COL23A1: variants seen among roughly 807,000 people sequenced by gnomAD.
The protein encoded by COL23A1 is collagen type XXIII alpha 1 chain.
COL23A1 carries 97 observed loss-of-function variants against 99.3 expected under a neutral mutation model. The ratio of observed to expected loss-of-function variants is 0.98; its 90% CI spans 0.83 to 1.16. The LOEUF is 1.16. Among genes scored for constraint, COL23A1 ranks in the 50% most tolerant of loss-of-function variants. COL23A1 has a pLI of 0.00. For synonymous variants in COL23A1, 320 were observed against 308.2 expected (o/e 1.04, Z -0.40); for missense variants, 762 against 757.4 (o/e 1.01, Z -0.07).
intron 3 of COL23A1, 34 bp from the exon 4 acceptor site, chr5:178,290,403 G>A (rs373094665): frequency 1.2e-6 from 2 of 1,613,934 alleles, no homozygotes; most frequent in African/African-American, 2.7e-5. Context: ...CACAGTCAGT[G>A]TGGAAGGCAG....
Position 178,306,566 on chromosome 5 carries a change from T to C in COL23A1, c.406+309A>G, listed in dbSNP as rs1240726607. 7.2e-6 allele frequency among the ~76,000 whole-genome samples: 1 copy of C among 138,154 alleles called. No individual in the cohort carries two copies. The highest frequency in any genetic ancestry group is 1.5e-5 in the Non-Finnish European group (1 of 65,288). The allele number at this position is 138,154 out of a possible 152,430, so 90.6% of individuals were successfully genotyped here. On this transcript the variant is annotated intron_variant, in intron 3 of 28. Coordinates refer to ENST00000390654, the MANE Select transcript of COL23A1 (RefSeq NM_173465.4). The surrounding 1 kb of genome is among the most constrained non-coding windows in gnomAD (Gnocchi z 4.1). ...GGGGAGGGTGTGGCTGGCGGAGTCA[T>C]CACCTTCTGCCTCAGAGAGAGGGGG... is the stretch of plus-strand genomic sequence containing the variant.
intron 2 of COL23A1, among the ~76,000 whole-genome samples, chr5:178,337,231 T>A (rs56199977): frequency 0.1 from 15,323 of 152,242 alleles, 943 homozygotes; most frequent in Middle Eastern, 0.16. Flanking sequence ...GTGCACTTGC[T>A]GGAGCGCAGA....
intron 2 of COL23A1, among the ~76,000 whole-genome samples, chr5:178,435,602 A>G (rs1335969410): frequency 1.3e-5 from 2 of 152,132 alleles, no homozygotes; most frequent in Non-Finnish European, 2.9e-5. Flanking sequence ...GCAAAACTAG[A>G]TAACTACAGG....
intron 7 of COL23A1, among the ~76,000 whole-genome samples, chr5:178,267,569 C>T (rs1755976909): frequency 6.6e-6 from 1 of 152,070 alleles, no homozygotes; most frequent in Non-Finnish European, 1.5e-5. Context: ...AGGTAGGTGT[C>T]CCCTTATCTA....
intron 24 of COL23A1, 83 bp downstream of exon 24, chr5:178,246,171 G>T: frequency 7.9e-7 from 1 of 1,269,114 alleles, no homozygotes; most frequent in Non-Finnish European, 1.1e-6. Flanking sequence ...ACCCAGTGAG[G>T]TACAGGGTTG....
chr5:178,562,029 G>C (rs759481836), intron 1 of COL23A1: 2 of 518,400 alleles, frequency 3.9e-6, no homozygotes, highest in African/African-American at 3.8e-5. Flanking sequence ...AAGTTACCAC[G>C]GTCAAAGTGT....
intron 2 of COL23A1, among the ~76,000 whole-genome samples, chr5:178,405,102 G>T (rs546559302): frequency 1.3e-5 from 2 of 152,126 alleles, no homozygotes; most frequent in Non-Finnish European, 2.9e-5. Flanking sequence ...TCTACCTCCC[G>T]CATTCGCACC....
At chr5:178,264,124 G>A (rs993533810) in intron 8 of COL23A1, among the ~76,000 whole-genome samples, 5 of 152,024 alleles carry the variant, frequency 3.3e-5, no homozygotes, top group African/African-American at 4.8e-5. Flanking sequence ...ACAAATCGAC[G>A]GGTGTGTTAA....
At chr5:178,388,311 C>G (rs191848297) in intron 2 of COL23A1, among the ~76,000 whole-genome samples, 1 of 152,142 alleles carries the variant, frequency 6.6e-6, no homozygotes, top group African/African-American at 2.4e-5. Context: ...GCTGGGGTGG[C>G]ATGGGGATGA....
chr5:178,406,258 T>C (rs1292644001), intron 2 of COL23A1, among the ~76,000 whole-genome samples: 1 of 151,910 alleles, frequency 6.6e-6, no homozygotes, highest in Non-Finnish European at 1.5e-5. Context: ...TCAAAAGATG[T>C]ATATGAAGGA....
chr5:178,575,324 C>T (rs262055), intron 1 of COL23A1, among the ~76,000 whole-genome samples: 27,824 of 152,146 alleles, frequency 0.18, 4,259 homozygotes, highest in African/African-American at 0.41. Flanking sequence ...CTTTCCACCA[C>T]TACAGCTTCG....
At chr5:178,358,189 ATG>A (rs755648350) in intron 2 of COL23A1, among the ~76,000 whole-genome samples, 95 of 138,544 alleles carry the variant, frequency 6.9e-4, no homozygotes, top group Middle Eastern at 5.9e-3. Context: ...ATGTATGTGT[ATG>A]TGTGTGCATG....
At chr5:178,536,062 T>A (rs1760921145) in intron 2 of COL23A1, among the ~76,000 whole-genome samples, 1 of 152,272 alleles carries the variant, frequency 6.6e-6, no homozygotes, top group Non-Finnish European at 1.5e-5. Flanking sequence ...CCCAGGGATC[T>A]GGTCTGCCAG....
At chr5:178,433,250 C>T (rs1360999946) in intron 2 of COL23A1, among the ~76,000 whole-genome samples, 1 of 152,034 alleles carries the variant, frequency 6.6e-6, no homozygotes, top group African/African-American at 2.4e-5. Context: ...CGACCGCCTC[C>T]TCAGGCTCGG....
At chr5:178,394,770 A>G (rs932938582) in intron 2 of COL23A1, among the ~76,000 whole-genome samples, 1 of 133,128 alleles carries the variant, frequency 7.5e-6, no homozygotes. Flanking sequence ...GGGACATAGC[A>G]GGGCTAGAAT....
At chr5:178,529,779 G>A (rs1415318912) in intron 2 of COL23A1, among the ~76,000 whole-genome samples, 1 of 152,140 alleles carries the variant, frequency 6.6e-6, no homozygotes, top group Admixed American at 6.5e-5. Flanking sequence ...CCTCAGGCCT[G>A]ATTTAAACTC....
At chr5:178,548,242 C>G (rs1324318341) in intron 2 of COL23A1, among the ~76,000 whole-genome samples, 1 of 151,762 alleles carries the variant, frequency 6.6e-6, no homozygotes, top group African/African-American at 2.4e-5. Flanking sequence ...ATGCCCACTC[C>G]GGCCGGGCCC....
chr5:178,509,239 C>T (rs1420519606), intron 2 of COL23A1, among the ~76,000 whole-genome samples: 2 of 134,808 alleles, frequency 1.5e-5, no homozygotes, highest in Non-Finnish European at 3.1e-5. Flanking sequence ...TTGTTTTTCT[C>T]GAGACAGAGT....
chr5:178,509,857 C>T (rs1759102720), intron 2 of COL23A1, among the ~76,000 whole-genome samples: 1 of 152,224 alleles, frequency 6.6e-6, no homozygotes, highest in African/African-American at 2.4e-5. Context: ...TGTCTGCTTT[C>T]TCTTCAGCTA....
Sources: gnomAD v4.1 joint callset for allele counts (sites outside exome capture counted in the v4.1 genomes callset) on GRCh38, gnomAD v4.1.1 for gene constraint, Gnocchi (gnomAD v3.1) non-coding constraint, MANE v1.5 for transcripts, NCBI Gene and HGNC (gene_info 2026-07-23, HGNC 2026-07-21) for gene names.